Variants in CCSER1 observed in about 807,000 individuals in gnomAD.
The protein encoded by CCSER1 is coiled-coil serine rich protein 1.
In CCSER1, 41 loss-of-function variants were observed where a neutral mutation model predicts 82.0. That is an observed-to-expected ratio of 0.50 (90% CI 0.39 to 0.65). The LOEUF (loss-of-function observed/expected upper bound fraction) is 0.65, where lower values mean the gene tolerates loss of function less well. CCSER1 is among the 30% of genes least tolerant of loss of function. CCSER1 has a pLI of 0.00. For synonymous variants in CCSER1, 414 were observed against 383.9 expected (o/e 1.08, Z -0.92); for missense variants, 1,119 against 1,064.2 (o/e 1.05, Z -0.72).
chr4:90,385,955 G>A (rs990407929), intron 3 of CCSER1, among the ~76,000 whole-genome samples: 7 of 151,974 alleles, frequency 4.6e-5, no homozygotes, highest in African/African-American at 1.7e-4. Context: ...AACCAAAGAG[G>A]TGAAAGATCT....
At chr4:90,183,569 G>A (rs1578371873) in intron 1 of CCSER1, among the ~76,000 whole-genome samples, 1 of 152,182 alleles carries the variant, frequency 6.6e-6, no homozygotes, top group South Asian at 2.1e-4. Context: ...ACACACTCGT[G>A]CAAGAATGCA....
intron 5 of CCSER1, among the ~76,000 whole-genome samples, chr4:90,572,939 A>G (rs1462039439): frequency 6.6e-6 from 1 of 152,222 alleles, no homozygotes; most frequent in Non-Finnish European, 1.5e-5. Flanking sequence ...TGAAGAAGTA[A>G]GACCTATTCC....
chr4:90,726,566 A>G (rs934419309), intron 7 of CCSER1, among the ~76,000 whole-genome samples: 4 of 151,962 alleles, frequency 2.6e-5, no homozygotes, highest in Non-Finnish European at 4.4e-5. Context: ...ATATGGCAGC[A>G]TTTTTCAACT....
At chr4:91,520,728 A>G (rs1760413756) in intron 10 of CCSER1, among the ~76,000 whole-genome samples, 2 of 151,908 alleles carry the variant, frequency 1.3e-5, no homozygotes, top group African/African-American at 2.4e-5. Context: ...AAATTCCCTT[A>G]GTTTCCTTTT....
chr4:91,539,586 T>A (rs532545968), intron 10 of CCSER1, among the ~76,000 whole-genome samples: 95 of 152,230 alleles, frequency 6.2e-4, no homozygotes, highest in African/African-American at 2.2e-3. Context: ...AGTGGTTTCC[T>A]AAATCAGCAT....
At chr4:91,064,497 C>T (rs1744200042) in intron 9 of CCSER1, among the ~76,000 whole-genome samples, 1 of 152,224 alleles carries the variant, frequency 6.6e-6, no homozygotes. Flanking sequence ...CAATTAAATA[C>T]AGCAACACTT....
At chr4:90,227,612 G>A (rs1578606082) in intron 1 of CCSER1, among the ~76,000 whole-genome samples, 1 of 152,198 alleles carries the variant, frequency 6.6e-6, no homozygotes, top group Admixed American at 6.5e-5. Flanking sequence ...GCTTATGGGG[G>A]GAGGAGCCAA....
intron 10 of CCSER1, among the ~76,000 whole-genome samples, chr4:91,570,407 G>T (rs1411857222): frequency 6.6e-6 from 1 of 152,204 alleles, no homozygotes; most frequent in Non-Finnish European, 1.5e-5. Context: ...CCTAGCAGAG[G>T]TTCTCCATGA....
intron 4 of CCSER1, among the ~76,000 whole-genome samples, chr4:90,463,880 A>G (rs1763288547): frequency 6.6e-6 from 1 of 152,108 alleles, no homozygotes; most frequent in Non-Finnish European, 1.5e-5. Context: ...AGTTTTGCGA[A>G]ATTTATTAAA....
chr4:91,519,831 T>A (rs1366151716), intron 10 of CCSER1, among the ~76,000 whole-genome samples: 1 of 152,196 alleles, frequency 6.6e-6, no homozygotes, highest in African/African-American at 2.4e-5. Context: ...CCCAATATGT[T>A]CGCCTGGATG....
chr4:90,728,609 A>C (rs59745904), intron 7 of CCSER1, among the ~76,000 whole-genome samples: 34,427 of 151,998 alleles, frequency 0.23, 4,921 homozygotes, highest in African/African-American at 0.4. Context: ...CTGAGGCAGG[A>C]GGTTCGCTTG....
chr4:90,483,504 C>G (rs1475348357), intron 5 of CCSER1, among the ~76,000 whole-genome samples: 1 of 152,158 alleles, frequency 6.6e-6, no homozygotes, highest in African/African-American at 2.4e-5. Context: ...TTTGCAGTGG[C>G]TGGTACCGGT....
chr4:91,077,463 T>G (rs556928148), intron 9 of CCSER1, among the ~76,000 whole-genome samples: 4 of 152,276 alleles, frequency 2.6e-5, no homozygotes, highest in African/African-American at 9.6e-5. Context: ...AGGAGAAAAT[T>G]CAGTCAATAG....
At chr4:90,486,788 A>G (rs1182715316) in intron 5 of CCSER1, among the ~76,000 whole-genome samples, 3 of 152,238 alleles carry the variant, frequency 2.0e-5, no homozygotes, top group African/African-American at 7.2e-5. Context: ...AATTGGGCCT[A>G]GAGCACCAAT....
At chr4:91,428,206 C>A (rs993142615) in intron 10 of CCSER1, among the ~76,000 whole-genome samples, 4 of 152,012 alleles carry the variant, frequency 2.6e-5, no homozygotes, top group Admixed American at 2.6e-4. Flanking sequence ...CATCCACTTA[C>A]AATATTCTAT....
intron 4 of CCSER1, among the ~76,000 whole-genome samples, chr4:90,406,364 A>G (rs113673170): frequency 0.023 from 3,554 of 152,298 alleles, 124 homozygotes; most frequent in African/African-American, 0.08. Flanking sequence ...TTAGAAAACA[A>G]TTACAATTAG....
intron 10 of CCSER1, among the ~76,000 whole-genome samples, chr4:91,465,675 C>T (rs1302701507): frequency 6.6e-6 from 1 of 152,042 alleles, no homozygotes; most frequent in Non-Finnish European, 1.5e-5. Context: ...GGGGATATCA[C>T]CACCAATCCC....
chr4:90,264,520 A>C (rs1018489347), intron 1 of CCSER1, among the ~76,000 whole-genome samples: 1 of 152,190 alleles, frequency 6.6e-6, no homozygotes, highest in African/African-American at 2.4e-5. Context: ...AACACAAACT[A>C]ACAAGAGAAG....
intron 4 of CCSER1, among the ~76,000 whole-genome samples, chr4:90,412,966 T>A (rs939211817): frequency 4.0e-5 from 6 of 149,066 alleles, no homozygotes; most frequent in Non-Finnish European, 9.0e-5. Flanking sequence ...GAAGTCAAGC[T>A]GTCAGAAATA....
Sources: allele counts gnomAD v4.1 joint callset (sites outside exome capture counted in the v4.1 genomes callset), GRCh38; gene constraint gnomAD v4.1.1; transcripts MANE v1.5; gene names NCBI Gene and HGNC (gene_info 2026-07-23, HGNC 2026-07-21).